Variants in ZNF407 observed in about 807,000 individuals in gnomAD.
ZNF407 encodes the protein zinc finger protein 407.
Under a neutral mutation model 131.2 loss-of-function variants are expected in ZNF407, and 17 were observed. The observed-to-expected ratio is 0.13, with a 90% confidence interval of 0.09 to 0.19. The LOEUF (loss-of-function observed/expected upper bound fraction) is 0.19, where lower values mean the gene tolerates loss of function less well. ZNF407 is among the 10% of genes least tolerant of loss of function. The probability of loss-of-function intolerance (pLI) is 1.00; values close to 1 mark genes in which losing one functional copy is unlikely to be tolerated. For missense variants in ZNF407, 2,681 were observed against 2,830.6 expected (o/e 0.95, Z 1.20); for synonymous variants, 1,156 against 1,062.0 (o/e 1.09, Z -1.72).
chr18:74,867,126 C>T (rs1971023593), intron 4 of ZNF407, among the ~76,000 whole-genome samples: 1 of 151,486 alleles, frequency 6.6e-6, no homozygotes, highest in Non-Finnish European at 1.5e-5. Context: ...GAGTTAAATA[C>T]ACTGGTGTCA....
intron 6 of ZNF407, 33 bp downstream of exon 6, chr18:74,881,152 G>T: frequency 6.5e-7 from 1 of 1,537,484 alleles, no homozygotes; most frequent in Non-Finnish European, 8.8e-7. Context: ...CCCCTTCTCT[G>T]CAGAGAGGAC....
At chr18:74,599,667 C>T (rs1982493415) in intron 1 of ZNF407, among the ~76,000 whole-genome samples, 1 of 152,108 alleles carries the variant, frequency 6.6e-6, no homozygotes. Flanking sequence ...GGGTATTCAC[C>T]TGGTTGAAGG....
At chr18:74,954,438 A>G (rs1351904635) in intron 8 of ZNF407, among the ~76,000 whole-genome samples, 8 of 152,194 alleles carry the variant, frequency 5.3e-5, no homozygotes, top group African/African-American at 1.2e-4. Flanking sequence ...CACTTAGGAT[A>G]TAAAATAAAA....
At chr18:74,636,174 G>A (rs185349698) in intron 2 of ZNF407, among the ~76,000 whole-genome samples, 10 of 152,130 alleles carry the variant, frequency 6.6e-5, no homozygotes, top group East Asian at 1.9e-4. Context: ...TGTAACTTCC[G>A]GGTAACAAGA....
At chr18:74,859,947 G>T (rs17055762) in intron 4 of ZNF407, among the ~76,000 whole-genome samples, 20,222 of 152,062 alleles carry the variant, frequency 0.13, 1,450 homozygotes, top group Middle Eastern at 0.27. Context: ...AACAAATGGT[G>T]TCCTCTCAAC....
At chr18:74,755,039 T>A (rs1968895383) in intron 3 of ZNF407, among the ~76,000 whole-genome samples, 1 of 152,214 alleles carries the variant, frequency 6.6e-6, no homozygotes, top group Admixed American at 6.5e-5. Context: ...GCTCCTGTAT[T>A]GGGTGTATAT....
At chr18:74,759,985 T>C (rs536888052) in intron 3 of ZNF407, among the ~76,000 whole-genome samples, 18 of 150,770 alleles carry the variant, frequency 1.2e-4, no homozygotes, top group Admixed American at 2.0e-4. Flanking sequence ...CATATATAAA[T>C]ATATATATAT....
At chr18:74,964,577 C>A (rs746233209) in intron 8 of ZNF407, among the ~76,000 whole-genome samples, 2 of 139,862 alleles carry the variant, frequency 1.4e-5, no homozygotes, top group East Asian at 2.1e-4. Flanking sequence ...ACCTATCATC[C>A]GGGTTTTTTT....
intron 1 of ZNF407, among the ~76,000 whole-genome samples, chr18:74,608,531 G>A (rs1982911350): frequency 6.6e-6 from 1 of 152,080 alleles, no homozygotes; most frequent in Non-Finnish European, 1.5e-5. Flanking sequence ...GTTTTTGGTA[G>A]ATACGTGGTT....
chr18:74,707,047 G>A (rs1487954076), intron 3 of ZNF407, among the ~76,000 whole-genome samples: 1 of 150,742 alleles, frequency 6.6e-6, no homozygotes, highest in Admixed American at 6.6e-5. Flanking sequence ...TGCCTACCAG[G>A]TTCCATGATT....
chr18:74,856,921 A>C (rs995015331), intron 4 of ZNF407, among the ~76,000 whole-genome samples: 3 of 152,230 alleles, frequency 2.0e-5, no homozygotes, highest in Admixed American at 2.0e-4. Flanking sequence ...TGGAACTGCT[A>C]TCCTGCGTTA....
At chr18:74,681,958 T>C (rs1966993477) in intron 3 of ZNF407, among the ~76,000 whole-genome samples, 1 of 152,220 alleles carries the variant, frequency 6.6e-6, no homozygotes, top group African/African-American at 2.4e-5. Context: ...GCCTTTCTTA[T>C]GATAGAACCG....
At chr18:74,740,165 A>T (rs1968515626) in intron 3 of ZNF407, among the ~76,000 whole-genome samples, 1 of 152,138 alleles carries the variant, frequency 6.6e-6, no homozygotes, top group Non-Finnish European at 1.5e-5. Flanking sequence ...TCGGGAATGC[A>T]TTCTTTGCCT....
In ZNF407 at chr18:74,838,764, A is replaced by G. The variant is rs548034365; in HGVS notation, c.4878-38433A>G. Reference sequence around the variant, plus strand: ...TCCTTACTCAGTGAACCAAATGAGTATATGTTGGGCTATTTGAGTTAAACC... The same window carrying G: ...TCCTTACTCAGTGAACCAAATGAGTGTATGTTGGGCTATTTGAGTTAAACC... On this transcript the variant is annotated intron_variant, in intron 4 of 8. Transcript: ENST00000299687. Among the ~76,000 whole-genome samples, 7 of 152,340 alleles carry G rather than the reference A, an allele frequency of 4.6e-5. No homozygotes were observed. The East Asian group carries it at 9.6e-4, about 21-fold the overall frequency.
rs115793683 is a variant in ZNF407, at chr18:74,736,830, G to A, written c.4803-44598G>A. ...ATAAACGTTCTCATTTATGGTCTCC[G>A]TTCATATAGTGATGGGTCCTATTAG... is the stretch of plus-strand genomic sequence containing the variant. On this transcript the variant is annotated intron_variant, in intron 3 of 8. Transcript: ENST00000299687. 5.2e-3 allele frequency among the ~76,000 whole-genome samples: 790 copies of A among 152,182 alleles called. 5 individuals carry two copies. Among genetic ancestry groups the A allele is most frequent in the African/African-American group, 0.018 (741 of 41,502 alleles).
At chr18:75,052,840 C>T (rs879866389) in intron 8 of ZNF407, among the ~76,000 whole-genome samples, 4 of 152,154 alleles carry the variant, frequency 2.6e-5, no homozygotes, top group South Asian at 2.1e-4. Flanking sequence ...GACACATGTG[C>T]GTGGATGTCA....
chr18:74,607,089 T>G (rs1275083843), intron 1 of ZNF407, among the ~76,000 whole-genome samples: 3 of 152,208 alleles, frequency 2.0e-5, no homozygotes, highest in Non-Finnish European at 4.4e-5. Flanking sequence ...TCTCAGAGAT[T>G]AGTTGTAGAA....
At chr18:75,034,485 G>T (rs1216712303) in intron 8 of ZNF407, among the ~76,000 whole-genome samples, 1 of 151,602 alleles carries the variant, frequency 6.6e-6, no homozygotes, top group Non-Finnish European at 1.5e-5. Context: ...TGTATTTTTA[G>T]TGGAGACGGG....
chr18:74,695,816 G>A (rs1568170846), intron 3 of ZNF407, among the ~76,000 whole-genome samples: 1 of 152,190 alleles, frequency 6.6e-6, no homozygotes, highest in Non-Finnish European at 1.5e-5. Context: ...TTGTGAAACA[G>A]AGATACAGTA....
Sources: gnomAD v4.1 joint callset for allele counts (sites outside exome capture counted in the v4.1 genomes callset) on GRCh38, gnomAD v4.1.1 for gene constraint, MANE v1.5 for transcripts, NCBI Gene and HGNC (gene_info 2026-07-23, HGNC 2026-07-21) for gene names.